Variants in DAB1 observed in about 807,000 individuals in gnomAD.
DAB1 encodes the protein DAB adaptor protein 1.
In DAB1, 15 loss-of-function variants were observed where a neutral mutation model predicts 64.6. That is an observed-to-expected ratio of 0.23 (90% CI 0.16 to 0.36). The LOEUF (loss-of-function observed/expected upper bound fraction) is 0.36, where lower values mean the gene tolerates loss of function less well. Among genes scored for constraint, DAB1 ranks in the 10% least tolerant of loss-of-function variants. DAB1 has a pLI of 1.00. For missense variants in DAB1, 596 were observed against 706.7 expected, an observed-to-expected ratio of 0.84 and a Z score of 1.78; for synonymous variants, 235 against 251.9, an observed-to-expected ratio of 0.93 and a Z score of 0.64.
intron 3 of DAB1, among the ~76,000 whole-genome samples, chr1:58,412,141 G>C (rs1644678178): frequency 6.6e-6 from 1 of 152,120 alleles, no homozygotes; most frequent in South Asian, 2.1e-4. Flanking sequence ...GCATTCCTTT[G>C]GTGTTGCTCA....
chr1:57,757,296 AT>A lies in DAB1; in HGVS notation n.552-107632del, dbSNP rs532157202. ...GAACTAAATCCTCATGTTGCAACTT[AT>A]TAACGGTGTGACTTTAGGCAATGTA... On this transcript the variant is annotated intron_variant and non_coding_transcript_variant, in intron 6 of 20. Transcript: ENST00000485760. 1.4e-3 allele frequency among the ~76,000 whole-genome samples: 204 copies of A among 148,640 alleles called. 1 individual carries two copies. The highest frequency in any genetic ancestry group is 4.4e-3 in the African/African-American group (179 of 40,676).
At chr1:57,686,355 G>T (rs1333652941) in intron 6 of DAB1, among the ~76,000 whole-genome samples, 1 of 152,238 alleles carries the variant, frequency 6.6e-6, no homozygotes, top group Admixed American at 6.5e-5. Flanking sequence ...CAGGAAGAAT[G>T]TGAAAACCTG....
At chr1:57,120,531 G>A (rs547999805) in intron 4 of DAB1, among the ~76,000 whole-genome samples, 63 of 152,148 alleles carry the variant, frequency 4.1e-4, no homozygotes, top group African/African-American at 1.5e-3. Context: ...TCACATTGTT[G>A]TGCAACCATC....
chr1:57,185,209 A>G (rs900297333), intron 2 of DAB1, among the ~76,000 whole-genome samples: 10 of 150,566 alleles, frequency 6.6e-5, no homozygotes, highest in African/African-American at 2.4e-4. Context: ...TCCCATCACC[A>G]CTCCTACCCC....
chr1:57,358,305 G>C (rs1040122759), intron 1 of DAB1, among the ~76,000 whole-genome samples: 2 of 151,816 alleles, frequency 1.3e-5, no homozygotes, highest in African/African-American at 2.4e-5. Flanking sequence ...GGCCTTTATT[G>C]TGTTGAGGTA....
chr1:58,183,782 G>A (rs1331024579), intron 4 of DAB1, among the ~76,000 whole-genome samples: 1 of 151,970 alleles, frequency 6.6e-6, no homozygotes, highest in African/African-American at 2.4e-5. Context: ...GACTTTATTT[G>A]ACTAATTCTG....
chr1:58,308,491 C>T (rs1450989681), intron 4 of DAB1, among the ~76,000 whole-genome samples: 3 of 152,032 alleles, frequency 2.0e-5, no homozygotes, highest in African/African-American at 4.8e-5. Flanking sequence ...CCTCTTTCCT[C>T]CTTCCACAGT....
intron 1 of DAB1, among the ~76,000 whole-genome samples, chr1:57,854,690 T>C (rs1028056929): frequency 6.6e-6 from 1 of 152,178 alleles, no homozygotes; most frequent in Non-Finnish European, 1.5e-5. Flanking sequence ...CAATCTCTAA[T>C]ATGCAGACTA....
intron 6 of DAB1, among the ~76,000 whole-genome samples, chr1:57,774,042 T>C (rs1649682670): frequency 2.0e-5 from 3 of 151,972 alleles, no homozygotes; most frequent in Middle Eastern, 3.4e-3. Flanking sequence ...GGGGAGCCCC[T>C]GTTGTAATTT....
At chr1:58,173,618 G>T (rs1656298242) in intron 4 of DAB1, among the ~76,000 whole-genome samples, 1 of 152,146 alleles carries the variant, frequency 6.6e-6, no homozygotes, top group Non-Finnish European at 1.5e-5. Flanking sequence ...CCCCTTTCCA[G>T]CCACACACCG....
chr1:57,211,804 T>G (rs745952436), intron 2 of DAB1, among the ~76,000 whole-genome samples: 45 of 152,222 alleles, frequency 3.0e-4, no homozygotes, highest in Non-Finnish European at 4.6e-4. Flanking sequence ...ATACAGCAAC[T>G]ATTTATAAAG....
At chr1:57,851,064 A>G (rs573572836) in intron 1 of DAB1, among the ~76,000 whole-genome samples, 1 of 152,276 alleles carries the variant, frequency 6.6e-6, no homozygotes, top group African/African-American at 2.4e-5. Context: ...ATATTTCTTA[A>G]TTATGGTTTA....
intron 5 of DAB1, among the ~76,000 whole-genome samples, chr1:57,945,952 C>T (rs1645178157): frequency 6.6e-6 from 1 of 152,204 alleles, no homozygotes; most frequent in Non-Finnish European, 1.5e-5. Flanking sequence ...GTACCACATG[C>T]TGCCATGTAC....
chr1:58,259,884 C>T (rs1438993009), intron 4 of DAB1, among the ~76,000 whole-genome samples: 1 of 152,202 alleles, frequency 6.6e-6, no homozygotes, highest in Non-Finnish European at 1.5e-5. Flanking sequence ...ATAACACTTA[C>T]ATAGGTCTTA....
At chr1:58,155,422 C>T (rs987907499) in intron 4 of DAB1, among the ~76,000 whole-genome samples, 7 of 152,136 alleles carry the variant, frequency 4.6e-5, no homozygotes, top group African/African-American at 1.7e-4. Context: ...CAAAGAATGA[C>T]TCAGTCCAAA....
rs965003986 is a variant in DAB1 at position 56,995,954 on chromosome 1, G to A, written c.*2190C>T. ...GTGATAGCTACAGAGGGAGGTAAAC[G>A]GCCCTTCTCACTTTTCTGGTTCTTC... On this transcript the variant is annotated 3_prime_UTR_variant, in exon 15 of 15. Transcript: ENST00000371236. The A allele has an allele frequency of 2.6e-5, 4 of 152,084 alleles. No homozygotes were observed. The highest frequency in any genetic ancestry group is 9.7e-5 in the African/African-American group (4 of 41,412). 9.4% of individuals were successfully genotyped at this position (152,084 alleles called of 1,614,324 possible).
intron 4 of DAB1, among the ~76,000 whole-genome samples, chr1:58,262,115 G>A (rs1219805244): frequency 2.0e-5 from 3 of 152,128 alleles, no homozygotes. Flanking sequence ...AGACTCCCCA[G>A]ATAGAATAGA....
intron 3 of DAB1, among the ~76,000 whole-genome samples, chr1:58,495,283 G>A (rs1054974740): frequency 6.6e-6 from 1 of 152,096 alleles, no homozygotes. Context: ...GTGGGAGGAG[G>A]AGGGAGGGAT....
At chr1:57,562,585 G>C (rs1320166938) in intron 7 of DAB1, among the ~76,000 whole-genome samples, 1 of 152,164 alleles carries the variant, frequency 6.6e-6, no homozygotes, top group Non-Finnish European at 1.5e-5. Context: ...CTCTGAATCA[G>C]CATCCAATAT....
Sources: gnomAD v4.1 joint callset for allele counts (sites outside exome capture counted in the v4.1 genomes callset) on GRCh38, gnomAD v4.1.1 for gene constraint, MANE v1.5 for transcripts, NCBI Gene and HGNC (gene_info 2026-07-23, HGNC 2026-07-21) for gene names.